The following TENM4 variants were observed in gnomAD, a reference collection of about 807,000 sequenced individuals.
TENM4 encodes teneurin transmembrane protein 4.
Under a neutral mutation model 243.3 loss-of-function variants are expected in TENM4, and 82 were observed. The observed-to-expected ratio is 0.34, with a 90% CI of 0.28 to 0.40. The LOEUF is 0.40. TENM4 is among the 10% of genes least tolerant of loss of function. The pLI is 1.00. For missense variants in TENM4, 3,138 were observed against 3,673.3 expected, an observed-to-expected ratio of 0.85 and a Z score of 3.77; for synonymous variants, 1,412 against 1,456.3, an observed-to-expected ratio of 0.97 and a Z score of 0.69.
intron 1 of TENM4, chr11:79,422,348 G>A (rs1858952607): frequency 6.6e-6 from 1 of 152,004 alleles, no homozygotes; most frequent in South Asian, 2.1e-4. Flanking sequence ...CAGTAAGAAA[G>A]ACCAGAGTTT....
At chr11:79,306,801 G>A (rs1856632962) in intron 1 of TENM4, among the ~76,000 whole-genome samples, 1 of 152,138 alleles carries the variant, frequency 6.6e-6, no homozygotes, top group Non-Finnish European at 1.5e-5. Flanking sequence ...AGGCAGAAAT[G>A]GAACTCAAAT....
intron 15 of TENM4, among the ~76,000 whole-genome samples, chr11:78,803,236 G>T (rs1047203520): frequency 6.6e-6 from 1 of 151,982 alleles, no homozygotes; most frequent in African/African-American, 2.4e-5. Flanking sequence ...CACCATCTTG[G>T]CCAGGCTGGT....
chr11:79,031,484 C>G (rs1468264796), intron 6 of TENM4, among the ~76,000 whole-genome samples: 7 of 152,102 alleles, frequency 4.6e-5, no homozygotes, highest in African/African-American at 1.7e-4. Flanking sequence ...CACCTTCAAC[C>G]TCAGGATCAG....
chr11:79,411,084 G>T (rs969386298), intron 1 of TENM4, among the ~76,000 whole-genome samples: 23 of 152,126 alleles, frequency 1.5e-4, no homozygotes, highest in Admixed American at 1.4e-3. Flanking sequence ...TTCTATCCAG[G>T]CTACTTGGCC....
At chr11:79,434,808 A>G (rs1328258538) in intron 1 of TENM4, among the ~76,000 whole-genome samples, 1 of 152,242 alleles carries the variant, frequency 6.6e-6, no homozygotes, top group African/African-American at 2.4e-5. Flanking sequence ...TTAGTATGGT[A>G]TCTGCCTTTA....
In TENM4 at chr11:78,688,237, AG is replaced by A. The variant is rs1229621743; in HGVS notation, c.5088-12del. On this transcript the variant is annotated splice_polypyrimidine_tract_variant and intron_variant, in intron 28 of 33. Transcript: ENST00000278550. ...CCAAAGCTGTCGTACCTGGAAACCA[AG>A]GGGTGGCACTGAGTAGTAGAAATAT... is the stretch of plus-strand genomic sequence containing the variant. The A allele has an allele frequency of 6.2e-7, 1 of 1,612,102 alleles. No individual in the cohort carries two copies. Among genetic ancestry groups the A allele is most frequent in the East Asian group, 2.2e-5 (1 of 44,870 alleles).
chr11:78,832,908 T>C (rs908908503), intron 12 of TENM4, among the ~76,000 whole-genome samples: 2 of 152,236 alleles, frequency 1.3e-5, no homozygotes, highest in Non-Finnish European at 2.9e-5. Flanking sequence ...TTCTAGATAA[T>C]GAATGCCTAG....
chr11:78,799,189 C>A (rs1857229383), intron 15 of TENM4, among the ~76,000 whole-genome samples: 1 of 152,128 alleles, frequency 6.6e-6, no homozygotes, highest in South Asian at 2.1e-4. Flanking sequence ...TGCTGTGGGC[C>A]ACTGACCTAG....
chr11:78,905,245 G>C (rs893360747), intron 6 of TENM4, among the ~76,000 whole-genome samples: 1 of 152,168 alleles, frequency 6.6e-6, no homozygotes, highest in African/African-American at 2.4e-5. Context: ...CCTTGGATAG[G>C]GAGAAGGCTT....
intron 2 of TENM4, among the ~76,000 whole-genome samples, chr11:79,245,879 G>C (rs2135292104): frequency 6.9e-6 from 1 of 145,788 alleles, no homozygotes; most frequent in African/African-American, 2.6e-5. Flanking sequence ...AGCGGAGTTT[G>C]CAGTGAGCTG....
intron 6 of TENM4, among the ~76,000 whole-genome samples, chr11:79,029,419 C>T (rs1859168797): frequency 6.6e-6 from 1 of 152,208 alleles, no homozygotes; most frequent in Non-Finnish European, 1.5e-5. Context: ...GGACTGCCAC[C>T]TCCCCACCCT....
intron 6 of TENM4, among the ~76,000 whole-genome samples, chr11:78,959,850 A>T (rs956118003): frequency 6.6e-6 from 1 of 152,186 alleles, no homozygotes; most frequent in Non-Finnish European, 1.5e-5. Context: ...TTTGCAAAGG[A>T]AGAGATTAAG....
intron 3 of TENM4, among the ~76,000 whole-genome samples, chr11:79,184,588 G>A (rs1431126707): frequency 6.6e-6 from 1 of 151,930 alleles, no homozygotes; most frequent in African/African-American, 2.4e-5. Context: ...TAACCCAGGG[G>A]ACATTATGCT....
chr11:79,074,003 G>A (rs1298531420), intron 4 of TENM4, among the ~76,000 whole-genome samples: 1 of 152,144 alleles, frequency 6.6e-6, no homozygotes, highest in Non-Finnish European at 1.5e-5. Flanking sequence ...TCTTATCAGT[G>A]TGTGCCTGTT....
intron 6 of TENM4, among the ~76,000 whole-genome samples, chr11:78,961,938 G>T (rs1483199873): frequency 6.6e-6 from 1 of 152,072 alleles, no homozygotes; most frequent in Non-Finnish European, 1.5e-5. Context: ...GACAGAAGCA[G>T]CCCTCCAACT....
At chr11:79,059,273 C>T (rs1308176065) in intron 6 of TENM4, among the ~76,000 whole-genome samples, 7 of 152,136 alleles carry the variant, frequency 4.6e-5, no homozygotes, top group South Asian at 2.1e-4. Flanking sequence ...CATGCTTCTG[C>T]GTGCCTCCAA....
At position 79,266,623 on chromosome 11, in the gene TENM4, C is replaced by T. The variant is rs150711200; in HGVS notation, c.-265+30865G>A. On this transcript the variant is annotated intron_variant, in intron 2 of 33. Coordinates refer to ENST00000278550, the MANE Select transcript of TENM4 (RefSeq NM_001098816.3). ...CAGAGTCTTTACAACCTTCCACTTACGCTGTGCACTAAAGAGTTTAAGAGG... is the reference window on the plus strand; with the variant it reads ...CAGAGTCTTTACAACCTTCCACTTATGCTGTGCACTAAAGAGTTTAAGAGG... Among the ~76,000 whole-genome samples the T allele has an allele frequency of 6.6e-4, 101 of 152,264 alleles. 1 individual carries two copies. The East Asian group carries it at 0.017, about 26-fold the overall frequency.
rs199711050 is a variant in TENM4, at chr11:79,295,896, AACACAC to A, written c.-265+1586_-265+1591del. Among the ~76,000 whole-genome samples, 186 of 130,916 alleles carry A rather than the reference AACACAC, an allele frequency of 1.4e-3. 1 individual carries two copies. Among genetic ancestry groups the A allele is most frequent in the East Asian group, 4.5e-3 (20 of 4,406 alleles). The allele number at this position is 130,916 out of a possible 152,430, so 85.9% of individuals were successfully genotyped here. On this transcript the variant is annotated intron_variant, in intron 2 of 33. Coordinates refer to ENST00000278550, the MANE Select transcript of TENM4 (RefSeq NM_001098816.3). ...AATAAGAATTGCCTCCCAGGGATTAAACACACACACACACACACACACACACACACA... is the reference window on the plus strand; with the variant it reads ...AATAAGAATTGCCTCCCAGGGATTAAACACACACACACACACACACACACA...
chr11:79,007,282 G>A (rs902885395), intron 6 of TENM4, among the ~76,000 whole-genome samples: 4 of 152,152 alleles, frequency 2.6e-5, no homozygotes, highest in Admixed American at 2.0e-4. Context: ...TTAATAAAAT[G>A]GGTAGAAAGA....
Sources: allele counts gnomAD v4.1 joint callset (sites outside exome capture counted in the v4.1 genomes callset), GRCh38; gene constraint gnomAD v4.1.1; transcripts MANE v1.5; gene names NCBI Gene and HGNC (gene_info 2026-07-23, HGNC 2026-07-21).